Variants in SAMD13 observed in about 807,000 individuals in gnomAD.
SAMD13 encodes sterile alpha motif domain-containing protein 13.
SAMD13 carries 9 observed loss-of-function variants against 12.4 expected under a neutral mutation model. The observed-to-expected ratio is 0.72, with a 90% confidence interval of 0.44 to 1.26. SAMD13 has a LOEUF of 1.26. SAMD13 is among the 50% of genes most tolerant of loss of function. The pLI, the probability that SAMD13 is intolerant of heterozygous loss-of-function variation, is 0.00. For missense variants in SAMD13, 84 were observed against 119.6 expected (o/e 0.70, Z 1.39); for synonymous variants, 46 against 45.4 (o/e 1.01, Z -0.05).
chr1:84,304,175 G>A (rs1389158752), intron 2 of SAMD13: 1 of 152,166 alleles, frequency 6.6e-6, no homozygotes, highest in African/African-American at 2.4e-5. Context: ...TCACAGCAAA[G>A]TTACATTAAA....
intron 2 of SAMD13, among the ~76,000 whole-genome samples, chr1:84,318,117 T>C (rs1215959478): frequency 6.6e-6 from 1 of 152,122 alleles, no homozygotes; most frequent in Non-Finnish European, 1.5e-5. Flanking sequence ...GTTTATCTTT[T>C]CAAAAGCCCA....
rs79601740 is a variant in SAMD13 at position 84,344,015 on chromosome 1, TG to T, written c.166-5613del. Reference sequence around the variant, plus strand: ...GACCCAGTTTTCTCATTTGATAAAATGGGCCTTATGTATTTTCCTTCATCAG... The same window carrying T: ...GACCCAGTTTTCTCATTTGATAAAATGGCCTTATGTATTTTCCTTCATCAG... On this transcript the variant is annotated intron_variant, in intron 3 of 3. Transcript: ENST00000394834. Among the ~76,000 whole-genome samples, 249 of 152,170 alleles carry T rather than the reference TG, an allele frequency of 1.6e-3. 10 individuals are homozygous for T. In the East Asian group the frequency reaches 0.045, roughly 28 times the overall value.
chr1:84,349,368 C>T (rs1192361222), intron 3 of SAMD13, among the ~76,000 whole-genome samples: 7 of 152,086 alleles, frequency 4.6e-5, no homozygotes, highest in Non-Finnish European at 7.4e-5. Context: ...AGTAAGCTTG[C>T]GATCTGTTTT....
intron 2 of SAMD13, among the ~76,000 whole-genome samples, chr1:84,314,068 AATT>A (rs1329681856): frequency 6.6e-6 from 1 of 152,178 alleles, no homozygotes; most frequent in Non-Finnish European, 1.5e-5. Context: ...TAGACTTAGA[AATT>A]ATTATGGTAT....
chr1:84,332,951 A>C (rs1261423520), intron 3 of SAMD13, among the ~76,000 whole-genome samples: 1 of 152,168 alleles, frequency 6.6e-6, no homozygotes, highest in Non-Finnish European at 1.5e-5. Flanking sequence ...GCATATGGCT[A>C]GCCAGTTCTC....
intron 3 of SAMD13, among the ~76,000 whole-genome samples, chr1:84,341,146 T>C (rs1679415455): frequency 6.6e-6 from 1 of 152,196 alleles, no homozygotes; most frequent in Non-Finnish European, 1.5e-5. Context: ...CTTTCCTGTT[T>C]TCCCAGCATG....
At chr1:84,340,347 C>T (rs1679396521) in intron 3 of SAMD13, among the ~76,000 whole-genome samples, 1 of 152,154 alleles carries the variant, frequency 6.6e-6, no homozygotes, top group Non-Finnish European at 1.5e-5. Context: ...ATTCCACTTA[C>T]ATGAAATATC....
intron 3 of SAMD13, among the ~76,000 whole-genome samples, chr1:84,349,185 A>T (rs916967320): frequency 6.6e-6 from 1 of 152,154 alleles, no homozygotes; most frequent in Non-Finnish European, 1.5e-5. Flanking sequence ...TTCTTGCTTG[A>T]TCCTTCGCTT....
intron 3 of SAMD13, among the ~76,000 whole-genome samples, chr1:84,339,361 T>G (rs1679372414): frequency 6.6e-6 from 1 of 151,760 alleles, no homozygotes; most frequent in Admixed American, 6.6e-5. Flanking sequence ...TTTGGATGTG[T>G]TTTTTTTGCC....
intron 3 of SAMD13, among the ~76,000 whole-genome samples, chr1:84,345,630 T>C (rs1679519455): frequency 6.6e-6 from 1 of 152,212 alleles, no homozygotes; most frequent in Non-Finnish European, 1.5e-5. Context: ...GTGTTTTTCC[T>C]GCCCTACCTT....
At chr1:84,332,969 C>T (rs1003353477) in intron 3 of SAMD13, among the ~76,000 whole-genome samples, 1 of 152,122 alleles carries the variant, frequency 6.6e-6, no homozygotes, top group Non-Finnish European at 1.5e-5. Context: ...CTCCCAGCAC[C>T]ATTTGTTGAA....
intron 2 of SAMD13, among the ~76,000 whole-genome samples, chr1:84,320,940 TCATAAATAC>T (rs1678930198): frequency 6.6e-6 from 1 of 152,200 alleles, no homozygotes; most frequent in South Asian, 2.1e-4. Flanking sequence ...ATCCATAATG[TCATAAATAC>T]CATAAAATGT....
chr1:84,301,333 A>G (rs575389987), upstream of SAMD13, among the ~76,000 whole-genome samples: 111 of 152,230 alleles, frequency 7.3e-4, 1 homozygote, highest in South Asian at 0.011. Context: ...CTGGCTTCTC[A>G]CTCTTATTTT....
At chr1:84,341,765 T>C (rs1248195438) in intron 3 of SAMD13, among the ~76,000 whole-genome samples, 1 of 152,004 alleles carries the variant, frequency 6.6e-6, no homozygotes, top group African/African-American at 2.4e-5. Context: ...CAGATCAGGA[T>C]ATTGGGCTTT....
At chr1:84,308,943 C>A (rs1678646308) in intron 2 of SAMD13, among the ~76,000 whole-genome samples, 1 of 152,118 alleles carries the variant, frequency 6.6e-6, no homozygotes, top group Admixed American at 6.5e-5. Flanking sequence ...TTTGACCTTG[C>A]TTTTGTTTCT....
intron 3 of SAMD13, among the ~76,000 whole-genome samples, chr1:84,348,705 A>G (rs1370875543): frequency 1.3e-5 from 2 of 152,020 alleles, no homozygotes; most frequent in African/African-American, 4.8e-5. Context: ...TTTTTATTTC[A>G]CCCCAAAGCT....
intron 2 of SAMD13, among the ~76,000 whole-genome samples, chr1:84,314,976 C>T (rs532070628): frequency 1.5e-5 from 2 of 137,336 alleles, no homozygotes; most frequent in African/African-American, 5.2e-5. Flanking sequence ...CTCCTTCTGT[C>T]CCTCCCTCCC....
At chr1:84,320,508 T>C (rs1315649931) in intron 2 of SAMD13, among the ~76,000 whole-genome samples, 1 of 152,194 alleles carries the variant, frequency 6.6e-6, no homozygotes, top group Non-Finnish European at 1.5e-5. Context: ...CTTGTTAGCA[T>C]GAAGGGAGAG....
Position 84,350,440 on chromosome 1 carries a change from C to T in SAMD13, c.*666C>T, listed in dbSNP as rs814152. On this transcript the variant is annotated 3_prime_UTR_variant, in exon 4 of 4. Transcript: ENST00000394834. ...TTCAGCTAGCTTTCAAATGGGGTAA[C>T]GATATTTTCTGCATAGATTTTCTTT... 0.99 allele frequency: 150,785 copies of T among 152,518 alleles called. 74,534 individuals are homozygous for T. The highest frequency in any genetic ancestry group is 1 in the East Asian group (5,186 of 5,186). 9.4% of individuals were successfully genotyped at this position (152,518 alleles called of 1,614,324 possible). A position where few individuals can be genotyped will look rare whatever the true frequency, so the allele number is the denominator to read the frequency against.
Sources: allele counts gnomAD v4.1 joint callset (sites outside exome capture counted in the v4.1 genomes callset), GRCh38; gene constraint gnomAD v4.1.1; transcripts MANE v1.5; gene names NCBI Gene and HGNC (gene_info 2026-07-23, HGNC 2026-07-21).